Variants in HSD17B4 observed in about 807,000 individuals in gnomAD.
HSD17B4 encodes the protein hydroxysteroid 17-beta dehydrogenase 4, also known as peroxisomal multifunctional enzyme type 2.
A neutral mutation model predicts 101.0 loss-of-function variants in HSD17B4; 70 were observed. The observed-to-expected ratio is 0.69, with a 90% CI of 0.57 to 0.85. The LOEUF (loss-of-function observed/expected upper bound fraction) is 0.85, where lower values mean the gene tolerates loss of function less well. HSD17B4 is among the 40% of genes least tolerant of loss of function. The pLI is 0.00. For synonymous variants in HSD17B4, 347 were observed against 297.1 expected, an observed-to-expected ratio of 1.17 and a Z score of -1.73; for missense variants, 984 against 892.4, an observed-to-expected ratio of 1.10 and a Z score of -1.31.
At chr5:119,458,551 C>CT (rs937701961) in intron 2 of HSD17B4, among the ~76,000 whole-genome samples, 1 of 145,934 alleles carries the variant, frequency 6.9e-6, no homozygotes, top group African/African-American at 2.5e-5. Flanking sequence ...GTTTCACCAT[C>CT]TTGGCCAGGC....
intron 8 of HSD17B4, among the ~76,000 whole-genome samples, chr5:119,487,911 T>C (rs1417516110): frequency 1.3e-5 from 2 of 152,154 alleles, no homozygotes; most frequent in Admixed American, 6.6e-5. Flanking sequence ...GTGCATATAA[T>C]GAAAAATGGA....
intron 8 of HSD17B4, among the ~76,000 whole-genome samples, chr5:119,484,809 A>G (rs1054080014): frequency 2.1e-4 from 32 of 152,146 alleles, no homozygotes; most frequent in African/African-American, 7.5e-4. Context: ...AGTGTAGAAT[A>G]CCTATTTGGA....
chr5:119,456,317 T>G lies in HSD17B4; in HGVS notation c.61T>G (p.Leu21Val). The G allele has an allele frequency of 6.2e-7, 1 of 1,609,462 alleles. No homozygotes were observed. Among genetic ancestry groups the G allele is most frequent in the Non-Finnish European group, 8.5e-7 (1 of 1,175,658 alleles). Reference protein sequence around the residue: ...VVLVTGAGAGLGRAYALAFAE... With the variant: ...VVLVTGAGAGVGRAYALAFAE... ...CTGATTATTTTGTTTTTGATTAGGATTGGGCCGAGCCTATGCCCTGGCTTT... is the reference window on the plus strand; with the variant it reads ...CTGATTATTTTGTTTTTGATTAGGAGTGGGCCGAGCCTATGCCCTGGCTTT... Residue 21 changes from leucine (L) to valine (V), a missense_variant and splice_region_variant, in exon 2 of 24, where the codon TTG becomes GTG. By Grantham distance (32) the Leu-to-Val change is conservative. Transcript: ENST00000510025.
intron 2 of HSD17B4, among the ~76,000 whole-genome samples, chr5:119,459,474 T>C (rs1329185980): frequency 6.6e-6 from 1 of 152,204 alleles, no homozygotes; most frequent in African/African-American, 2.4e-5. Flanking sequence ...CTTATACATG[T>C]TTCTCCTAGA....
chr5:119,492,021 C>T, intron 9 of HSD17B4, 79 bp from the exon 10 acceptor site: 4 of 1,117,152 alleles, frequency 3.6e-6, no homozygotes, highest in South Asian at 1.2e-5. Flanking sequence ...AGTAGAGGAG[C>T]TGACTTTTTT....
At chr5:119,461,942 A>G (rs1755284459) in intron 2 of HSD17B4, among the ~76,000 whole-genome samples, 1 of 152,176 alleles carries the variant, frequency 6.6e-6, no homozygotes, top group African/African-American at 2.4e-5. Flanking sequence ...CGTATTTGAC[A>G]AAATTTTGGG....
At chr5:119,463,594 A>G (rs1019389735) in intron 2 of HSD17B4, among the ~76,000 whole-genome samples, 6 of 92,326 alleles carry the variant, frequency 6.5e-5, no homozygotes, top group Non-Finnish European at 1.4e-4. Flanking sequence ...TTTGATTTGC[A>G]TTTTCCTCAT....
chr5:119,512,546 A>G (rs1344890230), intron 16 of HSD17B4, among the ~76,000 whole-genome samples: 1 of 152,050 alleles, frequency 6.6e-6, no homozygotes, highest in African/African-American at 2.4e-5. Context: ...GGGCTAATGT[A>G]TTCAGAGTGC....
intron 12 of HSD17B4, among the ~76,000 whole-genome samples, chr5:119,497,156 G>C (rs1750721959): frequency 6.6e-6 from 1 of 151,986 alleles, no homozygotes; most frequent in Admixed American, 6.6e-5. Flanking sequence ...AGCTTATCAT[G>C]AACTTTTTAG....
chr5:119,467,704 A>G (rs1755949069), intron 2 of HSD17B4, among the ~76,000 whole-genome samples: 1 of 152,224 alleles, frequency 6.6e-6, no homozygotes, highest in Non-Finnish European at 1.5e-5. Context: ...TATTCATAGG[A>G]TATGAAATTT....
intron 21 of HSD17B4, 130 bp from the exon 22 acceptor site, chr5:119,531,136 C>T (rs1282330959): frequency 1.2e-6 from 1 of 803,384 alleles, no homozygotes; most frequent in Non-Finnish European, 2.1e-6. Flanking sequence ...ATGAAAGACA[C>T]ATTGTATGAA....
intron 10 of HSD17B4, chr5:119,493,600 A>C (rs1485387108): frequency 1.0e-5 from 5 of 496,276 alleles, no homozygotes; most frequent in Non-Finnish European, 1.5e-5. Context: ...CAGAGGAGAA[A>C]TTTTTCCCTT....
At chr5:119,462,546 CA>C (rs1755367063) in intron 2 of HSD17B4, among the ~76,000 whole-genome samples, 1 of 151,984 alleles carries the variant, frequency 6.6e-6, no homozygotes, top group African/African-American at 2.4e-5. Flanking sequence ...ATGTGAAGTA[CA>C]CACATATCAG....
chr5:119,479,179 A>C (rs1348254152), intron 8 of HSD17B4, among the ~76,000 whole-genome samples, 158 bp downstream of exon 8: 1 of 152,184 alleles, frequency 6.6e-6, no homozygotes, highest in African/African-American at 2.4e-5. Flanking sequence ...GAAAATTTAG[A>C]AAAGCACAAA....
chr5:119,500,298 G>GTATA (rs548873075), intron 13 of HSD17B4, among the ~76,000 whole-genome samples: 1 of 151,066 alleles, frequency 6.6e-6, no homozygotes, highest in Non-Finnish European at 1.5e-5. Context: ...ATTGGGATAT[G>GTATA]TATATATATA....
chr5:119,487,761 T>C (rs1749736959), intron 8 of HSD17B4, among the ~76,000 whole-genome samples: 1 of 152,198 alleles, frequency 6.6e-6, no homozygotes, highest in Admixed American at 6.6e-5. Context: ...TACATAAATA[T>C]CCTTTAACAT....
Position 119,452,922 on chromosome 5 carries a change from T to G in HSD17B4, c.58+289T>G, listed in dbSNP as rs1754212535. ...TGCTGATTGCAAAACTGGGTGAAAG[T>G]TCTCCCTGACCCTTATCTGTGGGCA... On this transcript the variant is annotated intron_variant, in intron 1 of 23. Coordinates refer to ENST00000510025, the MANE Select transcript of HSD17B4 (RefSeq NM_000414.4). 7 of 1,336,250 alleles carry G rather than the reference T, an allele frequency of 5.2e-6. No homozygotes were observed. The South Asian group carries it at 8.8e-5, about 17-fold the overall frequency. The allele number at this position is 1,336,250 out of a possible 1,614,324, so 82.8% of individuals were successfully genotyped here.
At chr5:119,493,434 C>A (rs568836223) in intron 10 of HSD17B4, 212 of 203,228 alleles carry the variant, frequency 1.0e-3, no homozygotes, top group African/African-American at 4.9e-3. Flanking sequence ...CTCAGCGAAG[C>A]TCTATTCAGT....
At chr5:119,465,995 T>G (rs1446364252) in intron 2 of HSD17B4, among the ~76,000 whole-genome samples, 1 of 152,194 alleles carries the variant, frequency 6.6e-6, no homozygotes, top group Non-Finnish European at 1.5e-5. Flanking sequence ...TGAGGTACAT[T>G]CCTTCTGTAC....
Sources: allele counts gnomAD v4.1 joint callset (sites outside exome capture counted in the v4.1 genomes callset), GRCh38; gene constraint gnomAD v4.1.1; transcripts MANE v1.5; gene names NCBI Gene and HGNC (gene_info 2026-07-23, HGNC 2026-07-21).